INPP4B: variants seen among roughly 807,000 people sequenced by gnomAD.
INPP4B encodes inositol polyphosphate 4-phosphatase type II.
A neutral mutation model predicts 122.5 loss-of-function variants in INPP4B; 55 were observed. That is an observed-to-expected ratio of 0.45 (90% CI 0.36 to 0.56). The LOEUF (loss-of-function observed/expected upper bound fraction) is 0.56, where lower values mean the gene tolerates loss of function less well. Among genes scored for constraint, INPP4B ranks in the 20% least tolerant of loss-of-function variants. INPP4B has a pLI of 0.00. For synonymous variants in INPP4B, 403 were observed against 388.7 expected, an observed-to-expected ratio of 1.04 and a Z score of -0.43; for missense variants, 1,000 against 1,097.7, an observed-to-expected ratio of 0.91 and a Z score of 1.26.
chr4:142,629,321 T>A (rs1325732411), intron 2 of INPP4B, among the ~76,000 whole-genome samples: 1 of 152,084 alleles, frequency 6.6e-6, no homozygotes, highest in African/African-American at 2.4e-5. Flanking sequence ...TGTGGCAAAC[T>A]GTAAGAGAGT....
chr4:142,190,480 T>A (rs963945293), intron 15 of INPP4B, among the ~76,000 whole-genome samples: 2 of 152,182 alleles, frequency 1.3e-5, no homozygotes, highest in East Asian at 3.8e-4. Context: ...ATTTAACGGG[T>A]AGGCTGATAG....
chr4:142,338,459 C>T (rs1375298725), intron 7 of INPP4B, among the ~76,000 whole-genome samples: 3 of 152,040 alleles, frequency 2.0e-5, no homozygotes, highest in Non-Finnish European at 2.9e-5. Flanking sequence ...AGGATGGTCT[C>T]GATCTCCTGA....
chr4:142,375,206 A>G (rs566922387), intron 7 of INPP4B, among the ~76,000 whole-genome samples: 1 of 151,802 alleles, frequency 6.6e-6, no homozygotes, highest in South Asian at 2.1e-4. Flanking sequence ...GTCAACACTG[A>G]CCAACCTTCC....
chr4:142,753,327 G>C (rs1051537286), intron 1 of INPP4B, among the ~76,000 whole-genome samples: 1 of 151,932 alleles, frequency 6.6e-6, no homozygotes, highest in South Asian at 2.1e-4. Flanking sequence ...TCTCATTCTC[G>C]TTATCACACA....
intron 7 of INPP4B, chr4:142,384,244 GTT>G (rs1056463209): frequency 3.1e-6 from 2 of 639,458 alleles, no homozygotes; most frequent in African/African-American, 3.6e-5. Flanking sequence ...AACTCAATTA[GTT>G]AGTAACAACT....
chr4:142,838,871 C>A (rs1319502709), intron 1 of INPP4B, among the ~76,000 whole-genome samples: 1 of 152,202 alleles, frequency 6.6e-6, no homozygotes, highest in Non-Finnish European at 1.5e-5. Flanking sequence ...CAAACAATTT[C>A]TCAGATTCCC....
intron 2 of INPP4B, among the ~76,000 whole-genome samples, chr4:142,605,000 A>G (rs2150314077): frequency 6.6e-6 from 1 of 152,108 alleles, no homozygotes; most frequent in South Asian, 2.1e-4. Context: ...AAAACAGCAC[A>G]CTATTGGTAT....
At chr4:142,487,058 G>T (rs902221373) in intron 2 of INPP4B, among the ~76,000 whole-genome samples, 4 of 152,096 alleles carry the variant, frequency 2.6e-5, no homozygotes, top group Non-Finnish European at 4.4e-5. Flanking sequence ...GAATCACGGG[G>T]GTGGGTCTTT....
intron 7 of INPP4B, among the ~76,000 whole-genome samples, chr4:142,354,737 T>A (rs1439114647): frequency 6.6e-6 from 1 of 152,066 alleles, no homozygotes; most frequent in Non-Finnish European, 1.5e-5. Context: ...GATGTTATTA[T>A]GTGCTTTGCC....
At chr4:142,842,236 AG>A (rs1368664255) in intron 1 of INPP4B, among the ~76,000 whole-genome samples, 2 of 151,742 alleles carry the variant, frequency 1.3e-5, no homozygotes, top group African/African-American at 2.4e-5. Flanking sequence ...TGCCTAATAC[AG>A]AAGATAGAAT....
chr4:142,256,118 G>A (rs1215444644), intron 11 of INPP4B, among the ~76,000 whole-genome samples: 5 of 148,566 alleles, frequency 3.4e-5, no homozygotes, highest in South Asian at 2.2e-4. Context: ...GGTACATAAC[G>A]AAATGAAGGC....
intron 18 of INPP4B, among the ~76,000 whole-genome samples, chr4:142,125,216 G>A (rs1168628831): frequency 2.0e-5 from 3 of 151,612 alleles, no homozygotes; most frequent in South Asian, 2.1e-4. Flanking sequence ...CTCTCCCTTG[G>A]ATTACTTCCT....
intron 1 of INPP4B, among the ~76,000 whole-genome samples, chr4:142,798,694 G>A (rs1360961797): frequency 6.6e-6 from 1 of 151,852 alleles, no homozygotes; most frequent in Non-Finnish European, 1.5e-5. Flanking sequence ...TTGTGTGGGG[G>A]AGATTGCATA....
At chr4:142,471,807 G>A (rs1229245163) in intron 2 of INPP4B, among the ~76,000 whole-genome samples, 1 of 151,930 alleles carries the variant, frequency 6.6e-6, no homozygotes, top group Non-Finnish European at 1.5e-5. Context: ...CTGAGCCTCT[G>A]TTCTTTAGGA....
intron 1 of INPP4B, among the ~76,000 whole-genome samples, chr4:142,799,521 T>C (rs1282284412): frequency 6.6e-6 from 1 of 151,892 alleles, no homozygotes; most frequent in Non-Finnish European, 1.5e-5. Context: ...ATGTATGCTA[T>C]TAAAAGAACT....
At chr4:142,241,546 C>T (rs1426253684) in intron 11 of INPP4B, among the ~76,000 whole-genome samples, 1 of 152,148 alleles carries the variant, frequency 6.6e-6, no homozygotes, top group Non-Finnish European at 1.5e-5. Flanking sequence ...TAGCATGTCA[C>T]CTGCTTTTTC....
intron 10 of INPP4B, among the ~76,000 whole-genome samples, chr4:142,270,267 A>T (rs1020717889): frequency 2.0e-5 from 3 of 152,172 alleles, no homozygotes; most frequent in African/African-American, 4.8e-5. Flanking sequence ...TTAAAATCGC[A>T]TATCTTTCCA....
chr4:142,352,366 T>C (rs1187470906), intron 7 of INPP4B, among the ~76,000 whole-genome samples: 3 of 151,940 alleles, frequency 2.0e-5, no homozygotes, highest in African/African-American at 7.2e-5. Flanking sequence ...TCTTCTCTCC[T>C]CATTTGCTTC....
At chr4:142,717,025 C>G (rs1170356328) in intron 2 of INPP4B, among the ~76,000 whole-genome samples, 3 of 152,152 alleles carry the variant, frequency 2.0e-5, no homozygotes, top group Non-Finnish European at 4.4e-5. Flanking sequence ...TTTCTATTTT[C>G]TAGTTTTGTC....
Sources: gnomAD v4.1 joint callset for allele counts (sites outside exome capture counted in the v4.1 genomes callset) on GRCh38, gnomAD v4.1.1 for gene constraint, MANE v1.5 for transcripts, NCBI Gene and HGNC (gene_info 2026-07-23, HGNC 2026-07-21) for gene names.